PCLO: variants seen among roughly 807,000 people sequenced by gnomAD.
PCLO encodes piccolo presynaptic cytomatrix protein, also known as protein piccolo.
A neutral mutation model predicts 427.5 loss-of-function variants in PCLO; 82 were observed. The ratio of observed to expected loss-of-function variants is 0.19; its 90% confidence interval spans 0.16 to 0.23. The LOEUF (loss-of-function observed/expected upper bound fraction) is 0.23, where lower values mean the gene tolerates loss of function less well. Ranked by LOEUF, PCLO falls within the 10% of genes least tolerant of loss-of-function variation. PCLO has a pLI of 1.00. For synonymous variants in PCLO, 2,357 were observed against 2,155.4 expected (o/e 1.09, Z -2.59); for missense variants, 6,239 against 6,115.9 (o/e 1.02, Z -0.67).
chr7:83,134,822 C>T lies in PCLO; in HGVS notation c.2728G>A (p.Gly910Arg). 1.2e-6 allele frequency: 2 copies of T among 1,613,476 alleles called. No homozygotes were observed. Among genetic ancestry groups the T allele is most frequent in the Non-Finnish European group, 1.7e-6 (2 of 1,179,638 alleles). The stretch of plus-strand genomic sequence containing the variant: ...GATTTGGGGGCATCAGTAATACTTC[C>T]CAGATTCAGACTGAAACGCCTTGAC... ...EQSRRFSLNL[G>R]SITDAPKSQP... The change falls in exon 3 of 25, where the codon GGA (glycine) becomes AGA (arginine). Residue 910 changes from glycine to arginine, a missense_variant. This residue lies in a region of PCLO where 4,677 missense variants were observed against 4,468.4 expected (regional missense o/e 1.05). Coordinates refer to ENST00000333891, the MANE Select transcript of PCLO (RefSeq NM_033026.6).
At chr7:82,994,617 G>GTATATATA (rs71522636) in intron 3 of PCLO, among the ~76,000 whole-genome samples, 4,664 of 150,098 alleles carry the variant, frequency 0.031, 95 homozygotes, top group Middle Eastern at 0.087. Flanking sequence ...TTCATAGTAG[G>GTATATATA]TATATATATA....
rs1236463148 is a variant in PCLO at position 82,954,162 on chromosome 7, A to G, written c.6791T>C (p.Ile2264Thr). 3.1e-6 allele frequency: 5 copies of G among 1,613,932 alleles called. No homozygotes were observed. The highest frequency in any genetic ancestry group is 3.4e-6 in the Non-Finnish European group (4 of 1,179,824). The change falls in exon 5 of 25, where the codon ATT (isoleucine) becomes ACT (threonine). Residue 2264 changes from isoleucine to threonine, a missense_variant. Ile to Thr is a moderately conservative substitution (Grantham distance 89). This residue lies in a region of PCLO where 4,677 missense variants were observed against 4,468.4 expected (regional missense o/e 1.05). Coordinates refer to ENST00000333891, the MANE Select transcript of PCLO (RefSeq NM_033026.6). The stretch of plus-strand genomic sequence containing the variant: ...AGAAGATGCCATATCAGATAAGGAA[A>G]TAACAATATGATCAGCACTAGCTCT... Reference protein sequence around the residue: ...DGRASADHIVISLSDMASSII... With the variant: ...DGRASADHIVTSLSDMASSII...
chr7:82,823,612 A>G (rs1791853862), intron 19 of PCLO, among the ~76,000 whole-genome samples: 2 of 152,150 alleles, frequency 1.3e-5, no homozygotes, highest in African/African-American at 4.8e-5. Flanking sequence ...AGTGCTGTAC[A>G]TATTTGCATA....
chr7:82,784,510 G>A (rs894626304), intron 22 of PCLO, among the ~76,000 whole-genome samples: 1 of 152,068 alleles, frequency 6.6e-6, no homozygotes, highest in African/African-American at 2.4e-5. Context: ...TCAATTCACA[G>A]CACACAACCA....
intron 4 of PCLO, among the ~76,000 whole-genome samples, chr7:82,962,670 C>CA (rs879638779): frequency 1.2e-4 from 18 of 151,456 alleles, no homozygotes; most frequent in Non-Finnish European, 1.8e-4. Context: ...TTGTTTAATT[C>CA]AAAAAATGTA....
intron 2 of PCLO, among the ~76,000 whole-genome samples, chr7:83,150,209 C>T (rs927880731): frequency 1.3e-5 from 2 of 152,100 alleles, no homozygotes; most frequent in African/African-American, 2.4e-5. Context: ...AGTAAATCAA[C>T]GAAAACAATA....
chr7:82,841,993 T>C (rs1167664308), intron 13 of PCLO, among the ~76,000 whole-genome samples: 1 of 152,034 alleles, frequency 6.6e-6, no homozygotes, highest in Non-Finnish European at 1.5e-5. Flanking sequence ...ACTCAATCAC[T>C]TTCCCTATAA....
chr7:83,007,630 T>A (rs183949764), intron 3 of PCLO, among the ~76,000 whole-genome samples: 1 of 151,636 alleles, frequency 6.6e-6, no homozygotes, highest in East Asian at 1.9e-4. Context: ...TAAGAAAATA[T>A]ATGTATCATA....
intron 3 of PCLO, among the ~76,000 whole-genome samples, chr7:83,117,552 C>T (rs1355994554): frequency 6.6e-6 from 1 of 152,194 alleles, no homozygotes; most frequent in Non-Finnish European, 1.5e-5. Context: ...CTATCTCTCT[C>T]TGGGACAAAA....
chr7:82,925,559 TCA>T (rs1190765361), intron 6 of PCLO, among the ~76,000 whole-genome samples: 72 of 152,186 alleles, frequency 4.7e-4, no homozygotes, highest in African/African-American at 1.7e-3. Flanking sequence ...ATAGAAATAT[TCA>T]GCAGTCTATC....
At chr7:82,996,303 G>GT (rs968264900) in intron 3 of PCLO, among the ~76,000 whole-genome samples, 4 of 151,680 alleles carry the variant, frequency 2.6e-5, no homozygotes, top group Admixed American at 1.3e-4. Flanking sequence ...GGCATTAATG[G>GT]TTTTTTTATA....
chr7:82,773,951 G>A (rs948231972), intron 22 of PCLO, among the ~76,000 whole-genome samples: 3 of 152,118 alleles, frequency 2.0e-5, no homozygotes, highest in East Asian at 1.9e-4. Context: ...TTTTGCAGAG[G>A]TTATGACTTC....
chr7:82,770,008 G>A (rs1790615617), intron 22 of PCLO, among the ~76,000 whole-genome samples: 1 of 152,042 alleles, frequency 6.6e-6, no homozygotes, highest in Non-Finnish European at 1.5e-5. Flanking sequence ...CAGTCATTAT[G>A]GAAAGTCTTA....
At chr7:82,921,427 C>G (rs570304372) in intron 6 of PCLO, among the ~76,000 whole-genome samples, 1 of 151,936 alleles carries the variant, frequency 6.6e-6, no homozygotes. Context: ...ATATAGAACC[C>G]AGAAATAAAG....
intron 9 of PCLO, among the ~76,000 whole-genome samples, chr7:82,884,170 T>C (rs1793576858): frequency 6.6e-6 from 1 of 152,186 alleles, no homozygotes; most frequent in Non-Finnish European, 1.5e-5. Flanking sequence ...TCTTTTCTAA[T>C]GTAATCTAAA....
intron 3 of PCLO, among the ~76,000 whole-genome samples, chr7:82,973,728 A>G (rs73707192): frequency 0.028 from 4,300 of 152,122 alleles, 213 homozygotes; most frequent in African/African-American, 0.099. Context: ...AAAAACTTGC[A>G]ATGTAGGTTT....
At chr7:82,940,127 T>C (rs1458640444) in intron 6 of PCLO, among the ~76,000 whole-genome samples, 1 of 152,196 alleles carries the variant, frequency 6.6e-6, no homozygotes, top group Non-Finnish European at 1.5e-5. Context: ...GCCGATTAGA[T>C]AATTTTCCAA....
chr7:82,915,549 G>A lies in PCLO; in HGVS notation c.12437C>T (p.Ser4146Phe), dbSNP rs747518939. Reference protein sequence around the residue: ...TESLDHLAGLSHYYHADTSYR... With the variant: ...TESLDHLAGLFHYYHADTSYR... ...GCTAGTATCAGCATGGTAATAATGA[G>A]AAAGACCAGCAAGGTGATCTAAGCT... Residue 4146 changes from serine (S) to phenylalanine (F), a missense_variant, in exon 7 of 25, where the codon TCT (serine) becomes TTT (phenylalanine). Ser to Phe is a radical substitution (Grantham distance 155). Transcript: ENST00000333891. 2.0e-5 allele frequency: 33 copies of A among 1,613,530 alleles called. 1 individual carries two copies. The South Asian group carries it at 3.4e-4, about 17-fold the overall frequency.
At chr7:82,906,721 C>T (rs17235252) in intron 8 of PCLO, among the ~76,000 whole-genome samples, 11,736 of 151,914 alleles carry the variant, frequency 0.077, 643 homozygotes, top group South Asian at 0.16. Flanking sequence ...GCCTGTGTGG[C>T]GGTTTCATGG....
Sources: allele counts gnomAD v4.1 joint callset (sites outside exome capture counted in the v4.1 genomes callset), GRCh38; gene constraint gnomAD v4.1.1; regional missense constraint gnomAD v4.1.1; transcripts MANE v1.5; gene names NCBI Gene and HGNC (gene_info 2026-07-23, HGNC 2026-07-21).